The following NRG4 variants were observed in gnomAD, a reference collection of about 807,000 sequenced individuals.
NRG4 encodes neuregulin 4, also known as pro-neuregulin-4, membrane-bound isoform.
Under a neutral mutation model 15.0 loss-of-function variants are expected in NRG4, and 10 were observed. The observed-to-expected ratio is 0.67, with a 90% confidence interval of 0.41 to 1.13. The LOEUF (loss-of-function observed/expected upper bound fraction) is 1.13, where lower values mean the gene tolerates loss of function less well. NRG4 is among the 50% of genes most tolerant of loss of function. NRG4 has a pLI of 0.00. For missense variants in NRG4, 139 were observed against 140.2 expected (o/e 0.99, Z 0.04); for synonymous variants, 41 against 50.1 (o/e 0.82, Z 0.77).
At chr15:76,021,021 T>G (rs1393313884) in intron 5 of NRG4, among the ~76,000 whole-genome samples, 1 of 152,234 alleles carries the variant, frequency 6.6e-6, no homozygotes, top group Non-Finnish European at 1.5e-5. Flanking sequence ...CTTTTATAGC[T>G]AAAGAGAAGT....
chr15:76,036,522 C>A (rs1252787358), intron 4 of NRG4, among the ~76,000 whole-genome samples: 1 of 152,164 alleles, frequency 6.6e-6, no homozygotes, highest in Admixed American at 6.5e-5. Context: ...CTCCAATTCC[C>A]AATTCCACAG....
intron 5 of NRG4, among the ~76,000 whole-genome samples, chr15:75,954,320 G>C (rs1248034515): frequency 6.7e-6 from 1 of 149,652 alleles, no homozygotes; most frequent in Non-Finnish European, 1.5e-5. Flanking sequence ...TTTGGTTTGG[G>C]TCCTTTAAAA....
rs1003166922 is a variant in NRG4, at chr15:76,051,163, G to A, written c.-105+904C>T. 8.3e-4 allele frequency among the ~76,000 whole-genome samples: 123 copies of A among 148,212 alleles called. 2 individuals are homozygous for A. The East Asian group carries it at 0.017, about 20-fold the overall frequency. On this transcript the variant is annotated intron_variant, in intron 4 of 8. Coordinates refer to the NRG4 transcript ENST00000563910. ...TGGGACTACAGGCGCCCGCCACTAC[G>A]CCCGGCTAATTTTTTGTATTTTTAG... is the stretch of plus-strand genomic sequence containing the variant.
intron 5 of NRG4, 90 bp from the exon 6 acceptor site, chr15:75,943,744 C>T (rs2031237909): frequency 4.9e-6 from 4 of 819,180 alleles, no homozygotes; most frequent in South Asian, 4.6e-5. Context: ...ATCTTCTTCA[C>T]ATATATAAGC....
intron 5 of NRG4, among the ~76,000 whole-genome samples, chr15:76,029,747 C>A (rs2035421553): frequency 1.3e-5 from 2 of 152,060 alleles, no homozygotes; most frequent in South Asian, 4.1e-4. Context: ...ACAATGAAAA[C>A]TATAAAATGC....
intron 4 of NRG4, among the ~76,000 whole-genome samples, chr15:75,959,451 G>A (rs2032409943): frequency 6.6e-6 from 1 of 151,224 alleles, no homozygotes; most frequent in Non-Finnish European, 1.5e-5. Flanking sequence ...GTCTCTTATT[G>A]TAAATATATG....
At chr15:76,034,826 C>T (rs572908283) in intron 5 of NRG4, among the ~76,000 whole-genome samples, 34 of 152,204 alleles carry the variant, frequency 2.2e-4, no homozygotes, top group African/African-American at 8.2e-4. Flanking sequence ...ACTTCTATGG[C>T]GAACTGCATC....
intron 3 of NRG4, among the ~76,000 whole-genome samples, chr15:75,985,732 T>C (rs1416155259): frequency 6.6e-6 from 1 of 151,862 alleles, no homozygotes; most frequent in Non-Finnish European, 1.5e-5. Context: ...CTCCACATCT[T>C]GAATATAAAA....
exon 1 of NRG4, chr15:76,059,785 T>G (rs966474331): frequency 1.4e-5 from 2 of 147,746 alleles, no homozygotes; most frequent in South Asian, 2.1e-4. Context: ...GCGCCGCCGT[T>G]CCGCAGCCTC....
At chr15:76,017,994 G>T (rs965230760) in intron 5 of NRG4, among the ~76,000 whole-genome samples, 10 of 151,890 alleles carry the variant, frequency 6.6e-5, no homozygotes, top group African/African-American at 2.4e-4. Context: ...TTTTCACATA[G>T]TCCCATATTT....
chr15:76,037,400 G>A (rs2035620606), intron 4 of NRG4, among the ~76,000 whole-genome samples: 1 of 152,158 alleles, frequency 6.6e-6, no homozygotes, highest in South Asian at 2.1e-4. Flanking sequence ...GGGAGAGTGA[G>A]AGCACAGAGA....
downstream of NRG4, chr15:75,940,107 C>A (rs1156961554): frequency 1.6e-5 from 2 of 124,118 alleles, no homozygotes. Context: ...CGAAAGATTC[C>A]ACACCAAAAA....
intron 5 of NRG4, among the ~76,000 whole-genome samples, chr15:76,022,340 T>C (rs2035179911): frequency 1.3e-5 from 2 of 152,210 alleles, no homozygotes; most frequent in Non-Finnish European, 2.9e-5. Context: ...CTGATTCATA[T>C]AAAGCATATT....
chr15:76,040,156 C>T (rs908432998), intron 4 of NRG4, among the ~76,000 whole-genome samples: 2 of 152,028 alleles, frequency 1.3e-5, no homozygotes, highest in Admixed American at 1.3e-4. Context: ...AAGAAAGGAT[C>T]CCAAAAGCAG....
chr15:76,021,332 C>T (rs2035146296), intron 5 of NRG4, among the ~76,000 whole-genome samples: 1 of 152,134 alleles, frequency 6.6e-6, no homozygotes, highest in Non-Finnish European at 1.5e-5. Context: ...CATTTTTTAA[C>T]AATAAAGTAT....
intron 3 of NRG4, among the ~76,000 whole-genome samples, chr15:75,985,108 A>G (rs1394525802): frequency 6.6e-6 from 1 of 152,050 alleles, no homozygotes; most frequent in Non-Finnish European, 1.5e-5. Context: ...GCATCCCAAA[A>G]TGCTGGGATT....
intron 3 of NRG4, among the ~76,000 whole-genome samples, chr15:76,052,696 T>C (rs1281483520): frequency 1.3e-5 from 2 of 151,026 alleles, no homozygotes; most frequent in African/African-American, 2.5e-5. Context: ...ACTTAGAAAG[T>C]TAATTTTCCC....
chr15:75,965,707 A>G (rs1394560483), intron 3 of NRG4, among the ~76,000 whole-genome samples: 2 of 152,248 alleles, frequency 1.3e-5, no homozygotes, highest in African/African-American at 2.4e-5. Flanking sequence ...TGAAAATGTT[A>G]TGACTTCATT....
At chr15:75,966,267 G>A (rs750433418) in intron 3 of NRG4, among the ~76,000 whole-genome samples, 2 of 152,292 alleles carry the variant, frequency 1.3e-5, no homozygotes, top group East Asian at 1.9e-4. Context: ...AACAAACAGA[G>A]CACCATTTAG....
Sources: allele counts gnomAD v4.1 joint callset (sites outside exome capture counted in the v4.1 genomes callset), GRCh38; gene constraint gnomAD v4.1.1; transcripts MANE v1.5; gene names NCBI Gene and HGNC (gene_info 2026-07-23, HGNC 2026-07-21).